MACROD2: variants seen among roughly 807,000 people sequenced by gnomAD.
MACROD2 encodes mono-ADP ribosylhydrolase 2, also known as ADP-ribose glycohydrolase MACROD2.
In MACROD2, 36 loss-of-function variants were observed where a neutral mutation model predicts 70.4. The ratio of observed to expected loss-of-function variants is 0.51; its 90% CI spans 0.39 to 0.68. The LOEUF is 0.68. Among genes scored for constraint, MACROD2 ranks in the 30% least tolerant of loss-of-function variants. MACROD2 has a pLI of 0.00. For missense variants in MACROD2, 496 were observed against 538.4 expected (o/e 0.92, Z 0.78); for synonymous variants, 172 against 178.8 (o/e 0.96, Z 0.30).
At chr20:14,270,695 C>T (rs1340307514) in intron 3 of MACROD2, among the ~76,000 whole-genome samples, 1 of 152,096 alleles carries the variant, frequency 6.6e-6, no homozygotes, top group Non-Finnish European at 1.5e-5. Context: ...CCTATGTCAT[C>T]CTTTCAAGAC....
In MACROD2 at chr20:14,692,810, T is replaced by C. The variant is rs187700544; in HGVS notation, c.418+7851T>C. Reference sequence around the variant, plus strand: ...ATGTATCCACATGCCACATGTCTGTTCTATGCTTAGCTTCTTTCATTTTCT... The same window carrying C: ...ATGTATCCACATGCCACATGTCTGTCCTATGCTTAGCTTCTTTCATTTTCT... On this transcript the variant is annotated intron_variant, in intron 5 of 17. Coordinates refer to ENST00000684519, the MANE Select transcript of MACROD2 (RefSeq NM_001351661.2). Among the ~76,000 whole-genome samples, 60 of 152,342 alleles carry C rather than the reference T, an allele frequency of 3.9e-4. No homozygotes were observed. The Middle Eastern group carries it at 0.01, about 26-fold the overall frequency.
At chr20:15,016,452 A>G (rs767870651) in intron 5 of MACROD2, among the ~76,000 whole-genome samples, 34 of 152,138 alleles carry the variant, frequency 2.2e-4, no homozygotes, top group African/African-American at 8.2e-4. Context: ...TGTGATCGCA[A>G]TGTTAGAGGT....
At chr20:14,334,536 C>T (rs1264573478) in intron 3 of MACROD2, among the ~76,000 whole-genome samples, 5 of 151,990 alleles carry the variant, frequency 3.3e-5, no homozygotes, top group Non-Finnish European at 5.9e-5. Context: ...GTACACTCTA[C>T]CAGAACACTG....
chr20:14,552,142 ATT>A (rs1030633346), intron 4 of MACROD2, among the ~76,000 whole-genome samples: 1 of 151,350 alleles, frequency 6.6e-6, no homozygotes, highest in African/African-American at 2.4e-5. Context: ...GTATCTGAAC[ATT>A]TGTTTTTTAT....
At chr20:15,024,596 T>C (rs1247717246) in intron 5 of MACROD2, among the ~76,000 whole-genome samples, 1 of 151,998 alleles carries the variant, frequency 6.6e-6, no homozygotes, top group Non-Finnish European at 1.5e-5. Flanking sequence ...TACTCTATAT[T>C]GCATTTTATA....
chr20:14,496,784 A>G (rs1378843328), intron 4 of MACROD2, among the ~76,000 whole-genome samples: 1 of 151,758 alleles, frequency 6.6e-6, no homozygotes, highest in Admixed American at 6.5e-5. Flanking sequence ...ATTTCTTAAT[A>G]TATAGCTGGT....
At chr20:16,041,471 T>C (rs2067306804) in intron 16 of MACROD2, among the ~76,000 whole-genome samples, 193 bp downstream of exon 16, 1 of 152,034 alleles carries the variant, frequency 6.6e-6, no homozygotes, top group Non-Finnish European at 1.5e-5. Context: ...AACCTGTTTC[T>C]AGCTGTTTTA....
rs892716362 is a variant in MACROD2 at position 14,946,533 on chromosome 20, A to G, written c.418+261574A>G. On this transcript the variant is annotated intron_variant, in intron 5 of 17. Coordinates refer to ENST00000684519, the MANE Select transcript of MACROD2 (RefSeq NM_001351661.2). ...CTTTTTCTTTCTTTTTTTTACTTTTACTCTGCTTGGTGTTGCATAAATATG... is the reference window on the plus strand; with the variant it reads ...CTTTTTCTTTCTTTTTTTTACTTTTGCTCTGCTTGGTGTTGCATAAATATG... 7.2e-5 allele frequency among the ~76,000 whole-genome samples: 11 copies of G among 152,140 alleles called. 1 individual carries two copies. The highest frequency in any genetic ancestry group is 2.6e-4 in the African/African-American group (11 of 41,528).
chr20:14,326,461 T>C lies in MACROD2; in HGVS notation c.272-167018T>C, dbSNP rs144067037. On this transcript the variant is annotated intron_variant, in intron 3 of 17. Coordinates refer to ENST00000684519, the MANE Select transcript of MACROD2 (RefSeq NM_001351661.2). The surrounding 1 kb of genome is among the most constrained non-coding windows in gnomAD (Gnocchi z 5.5). Reference sequence around the variant, plus strand: ...GTCCTTACAATCAAACAGTTCTGCATTGAGATCCTTAATAGCCATCCCACG... The same window carrying C: ...GTCCTTACAATCAAACAGTTCTGCACTGAGATCCTTAATAGCCATCCCACG... 4 of 1,613,764 alleles carry C rather than the reference T, an allele frequency of 2.5e-6. No homozygotes were observed. Among genetic ancestry groups the C allele is most frequent in the African/African-American group, 2.7e-5 (2 of 74,870 alleles).
intron 8 of MACROD2, among the ~76,000 whole-genome samples, chr20:15,574,079 C>T (rs1479203821): frequency 1.3e-5 from 2 of 152,088 alleles, no homozygotes; most frequent in Non-Finnish European, 2.9e-5. Context: ...GGCAATACTA[C>T]TCTTACCACT....
At chr20:14,073,992 T>C (rs2053883960) in intron 2 of MACROD2, among the ~76,000 whole-genome samples, 2 of 152,204 alleles carry the variant, frequency 1.3e-5, no homozygotes, top group South Asian at 4.1e-4. Flanking sequence ...TAAGTCAGTT[T>C]AGAGAGAATC....
intron 5 of MACROD2, among the ~76,000 whole-genome samples, chr20:15,160,916 T>C (rs2145874560): frequency 6.6e-6 from 1 of 152,162 alleles, no homozygotes; most frequent in East Asian, 1.9e-4. Flanking sequence ...TTTTGATTAT[T>C]TTTTTTACTA....
intron 5 of MACROD2, among the ~76,000 whole-genome samples, chr20:15,099,933 G>A (rs2075859481): frequency 6.6e-6 from 1 of 150,540 alleles, no homozygotes; most frequent in Non-Finnish European, 1.5e-5. Context: ...GGGATGGTAG[G>A]ATTGAAAAAA....
At chr20:14,520,368 C>G (rs947479392) in intron 4 of MACROD2, among the ~76,000 whole-genome samples, 1 of 152,060 alleles carries the variant, frequency 6.6e-6, no homozygotes, top group Non-Finnish European at 1.5e-5. Context: ...TACCATGATT[C>G]ATTATGCCTG....
chr20:15,842,731 T>TAGATAGATAGAC (rs1380272546), intron 8 of MACROD2, among the ~76,000 whole-genome samples: 3 of 36,170 alleles, frequency 8.3e-5, no homozygotes, highest in Admixed American at 5.6e-4. Flanking sequence ...GATAGATAGA[T>TAGATAGATAGAC]AGATAGATAG....
intron 5 of MACROD2, among the ~76,000 whole-genome samples, chr20:14,923,888 A>G (rs2074195762): frequency 6.6e-6 from 1 of 152,042 alleles, no homozygotes; most frequent in African/African-American, 2.4e-5. Flanking sequence ...ATTTCTCTGC[A>G]ACTTTTTCAC....
intron 5 of MACROD2, among the ~76,000 whole-genome samples, chr20:14,995,315 C>A (rs2074939953): frequency 6.6e-6 from 1 of 151,842 alleles, no homozygotes; most frequent in African/African-American, 2.4e-5. Flanking sequence ...ACAGTTTCCT[C>A]AAATAATTTT....
chr20:15,007,389 A>C (rs371483593), intron 5 of MACROD2, among the ~76,000 whole-genome samples: 6,452 of 151,548 alleles, frequency 0.043, 236 homozygotes, highest in African/African-American at 0.091. Context: ...CAAAAAAAAA[A>C]CACAAAAAAG....
intron 4 of MACROD2, among the ~76,000 whole-genome samples, chr20:14,579,566 G>A (rs901019346): frequency 6.6e-6 from 1 of 152,158 alleles, no homozygotes; most frequent in Non-Finnish European, 1.5e-5. Flanking sequence ...CGATATTTGA[G>A]TAATACATTT....
Sources: allele counts gnomAD v4.1 joint callset (sites outside exome capture counted in the v4.1 genomes callset), GRCh38; gene constraint gnomAD v4.1.1; non-coding constraint Gnocchi (gnomAD v3.1); transcripts MANE v1.5; gene names NCBI Gene and HGNC (gene_info 2026-07-23, HGNC 2026-07-21).